The following MMP26 variants were observed in gnomAD, a reference collection of about 807,000 sequenced individuals.
MMP26 encodes the protein matrix metalloproteinase-26.
Under a neutral mutation model 31.0 loss-of-function variants are expected in MMP26, and 33 were observed. The observed-to-expected ratio is 1.06, with a 90% CI of 0.81 to 1.42. The LOEUF is 1.42. Among genes scored for constraint, MMP26 ranks in the 40% most tolerant of loss-of-function variants. The pLI, the probability that MMP26 is intolerant of heterozygous loss-of-function variation, is 0.00. For synonymous variants in MMP26, 122 were observed against 114.9 expected (o/e 1.06, Z -0.40); for missense variants, 347 against 316.1 (o/e 1.10, Z -0.74).
At chr11:4,709,725 A>G in intron 1 of MMP26, 1 of 460,614 alleles carries the variant, frequency 2.2e-6, no homozygotes, top group South Asian at 1.5e-5. Flanking sequence ...TGTCATCATC[A>G]CTGAGTCAAG....
Position 4,907,586 on chromosome 11 carries a change from C to T in MMP26, c.-144-80482C>T, listed in dbSNP as rs756314063. ...CATGTTGGCTGTCTCTGACATGGGCCTGTCCCTCTCCTCCCTTCCTACCAT... is the reference window on the plus strand; with the variant it reads ...CATGTTGGCTGTCTCTGACATGGGCTTGTCCCTCTCCTCCCTTCCTACCAT... On this transcript the variant is annotated intron_variant, in intron 2 of 7. Transcript: ENST00000380390. 1.9e-6 allele frequency: 3 copies of T among 1,613,700 alleles called. No homozygotes were observed. The African/African-American group carries it at 4.0e-5, about 22-fold the overall frequency.
rs1589949690 is a variant in MMP26 at position 4,954,994 on chromosome 11, A to G, written c.-144-33074A>G. The G allele has an allele frequency of 2.9e-6, 4 of 1,377,544 alleles. 1 individual carries two copies. In the Admixed American group the frequency reaches 6.5e-5, roughly 22 times the overall value. The allele number at this position is 1,377,544 out of a possible 1,614,324, so 85.3% of individuals were successfully genotyped here. A position where few individuals can be genotyped will look rare whatever the true frequency, so the allele number is the denominator to read the frequency against. On this transcript the variant is annotated intron_variant, in intron 2 of 7. Coordinates refer to ENST00000380390, the MANE Select transcript of MMP26 (RefSeq NM_021801.5). ...CTGCACAGATGTGTGAAACACAAGTATTGAGAGCCTTAAGCTCCTCCTTTT... is the reference window on the plus strand; with the variant it reads ...CTGCACAGATGTGTGAAACACAAGTGTTGAGAGCCTTAAGCTCCTCCTTTT...
chr11:4,940,317 C>T (rs17339295), intron 2 of MMP26, among the ~76,000 whole-genome samples: 22,972 of 152,070 alleles, frequency 0.15, 1,840 homozygotes, highest in South Asian at 0.17. Flanking sequence ...CAGACACATA[C>T]TGCCCACCAA....
intron 1 of MMP26, among the ~76,000 whole-genome samples, chr11:4,715,454 G>A (rs925306196): frequency 9.2e-5 from 14 of 151,840 alleles, no homozygotes; most frequent in East Asian, 1.9e-4. Flanking sequence ...TAATTTATAC[G>A]TAGTTCGGTG....
rs372949891 is a variant in MMP26 at position 4,804,967 on chromosome 11, CAAA to C, written c.-145+37642_-145+37644del. On this transcript the variant is annotated intron_variant, in intron 2 of 7. Coordinates refer to ENST00000380390, the MANE Select transcript of MMP26 (RefSeq NM_021801.5). ...CCTGGGTGTCAGAGCGAAACCGCCT[CAAA>C]AAAAAAAAAAAAAAATGAATCAATA... Among the ~76,000 whole-genome samples the C allele has an allele frequency of 1.6e-3, 175 of 111,818 alleles. 1 individual carries two copies. Among genetic ancestry groups the C allele is most frequent in the Middle Eastern group, 4.7e-3 (1 of 212 alleles). 73.4% of individuals were successfully genotyped at this position (111,818 alleles called of 152,430 possible). A position where few individuals can be genotyped will look rare whatever the true frequency, so the allele number is the denominator to read the frequency against.
intron 2 of MMP26, among the ~76,000 whole-genome samples, chr11:4,803,241 A>G (rs1849207924): frequency 6.6e-6 from 1 of 152,230 alleles, no homozygotes; most frequent in Admixed American, 6.5e-5. Flanking sequence ...GTTCTTATCC[A>G]TCACATCTCT....
At chr11:4,956,904 C>A (rs903811510) in intron 2 of MMP26, among the ~76,000 whole-genome samples, 1 of 152,158 alleles carries the variant, frequency 6.6e-6, no homozygotes, top group Non-Finnish European at 1.5e-5. Context: ...AATTGTTTTA[C>A]TTACTGAGTT....
chr11:4,749,196 G>A (rs1848417379), intron 1 of MMP26, among the ~76,000 whole-genome samples: 1 of 151,868 alleles, frequency 6.6e-6, no homozygotes, highest in South Asian at 2.1e-4. Context: ...ATTTATAATA[G>A]CTACAAAGAA....
intron 2 of MMP26, among the ~76,000 whole-genome samples, chr11:4,845,530 C>A (rs1274715483): frequency 1.3e-5 from 2 of 152,134 alleles, no homozygotes; most frequent in Non-Finnish European, 2.9e-5. Context: ...GGACATTGAT[C>A]TGGGTAAAAA....
chr11:4,777,695 T>C (rs1331345696), intron 2 of MMP26, among the ~76,000 whole-genome samples: 1 of 152,142 alleles, frequency 6.6e-6, no homozygotes, highest in Non-Finnish European at 1.5e-5. Context: ...TTTTTGGATG[T>C]TATCTGATTG....
intron 2 of MMP26, among the ~76,000 whole-genome samples, chr11:4,911,395 G>A (rs191821438): frequency 2.5e-3 from 378 of 152,262 alleles, no homozygotes; most frequent in Non-Finnish European, 4.1e-3. Flanking sequence ...ATCCTTGAGG[G>A]TGGGAAATGT....
At chr11:4,975,563 G>A (rs1413487133) in intron 2 of MMP26, among the ~76,000 whole-genome samples, 5 of 152,048 alleles carry the variant, frequency 3.3e-5, no homozygotes, top group African/African-American at 1.2e-4. Context: ...CAGGACGGAG[G>A]TTCAAAGTGT....
At chr11:4,831,250 C>T (rs1211804700) in intron 2 of MMP26, among the ~76,000 whole-genome samples, 1 of 152,144 alleles carries the variant, frequency 6.6e-6, no homozygotes, top group Admixed American at 6.6e-5. Flanking sequence ...CCTCTCTGCA[C>T]CTCTTGCTGC....
chr11:4,723,543 C>T lies in MMP26; in HGVS notation c.-217+18498C>T, dbSNP rs1848049724. The T allele has an allele frequency of 2.5e-6, 3 of 1,199,380 alleles. No homozygotes were observed. In the African/African-American group the frequency reaches 4.5e-5, roughly 18 times the overall value. The allele number at this position is 1,199,380 out of a possible 1,614,324, so 74.3% of individuals were successfully genotyped here. ...AGTTGATCTCGTCAGTCAGCCCTTC[C>T]AGGAGAGACTCCAGCTCTACCTTGT... On this transcript the variant is annotated intron_variant, in intron 1 of 7. Transcript: ENST00000380390.
chr11:4,797,410 T>G (rs1849123128), intron 2 of MMP26, among the ~76,000 whole-genome samples: 1 of 152,204 alleles, frequency 6.6e-6, no homozygotes, highest in African/African-American at 2.4e-5. Flanking sequence ...TGGAGCAACA[T>G]TTACTCATTC....
chr11:4,938,525 T>C (rs1846160929), intron 2 of MMP26, among the ~76,000 whole-genome samples: 1 of 151,936 alleles, frequency 6.6e-6, no homozygotes, highest in South Asian at 2.1e-4. Flanking sequence ...AGTTGCTTCC[T>C]CACCCAGGAG....
At chr11:4,862,944 G>A (rs988506045) in intron 2 of MMP26, among the ~76,000 whole-genome samples, 3 of 152,086 alleles carry the variant, frequency 2.0e-5, no homozygotes, top group Non-Finnish European at 4.4e-5. Flanking sequence ...CTGAGGAGGG[G>A]TTTTGTTTTT....
rs143787977 is a variant in MMP26 at position 4,741,967 on chromosome 11, C to T, written c.-216-25303C>T. On this transcript the variant is annotated intron_variant, in intron 1 of 7. Transcript: ENST00000380390. ...ATGTTGCTTTACTGGAAAGTAATTA[C>T]ATTTGATCTGTGCGCCATACAGAGG... Among the ~76,000 whole-genome samples the T allele has an allele frequency of 3.2e-3, 485 of 152,228 alleles. 5 individuals are homozygous for T. Among genetic ancestry groups the T allele is most frequent in the Non-Finnish European group, 3.7e-3 (253 of 68,022 alleles).
chr11:4,861,364 G>A (rs1262022065), intron 2 of MMP26, among the ~76,000 whole-genome samples: 4 of 150,234 alleles, frequency 2.7e-5, no homozygotes, highest in African/African-American at 7.3e-5. Context: ...GTGTATATAC[G>A]ATAGGATAGG....
Sources: allele counts gnomAD v4.1 joint callset (sites outside exome capture counted in the v4.1 genomes callset), GRCh38; gene constraint gnomAD v4.1.1; transcripts MANE v1.5; gene names NCBI Gene and HGNC (gene_info 2026-07-23, HGNC 2026-07-21).